The following LRRC7 variants were observed in gnomAD, a reference collection of about 807,000 sequenced individuals.
LRRC7 encodes the protein leucine-rich repeat-containing protein 7.
A neutral mutation model predicts 175.7 loss-of-function variants in LRRC7; 23 were observed. The ratio of observed to expected loss-of-function variants is 0.13; its 90% CI spans 0.09 to 0.19. The LOEUF is 0.19. LRRC7 is among the 10% of genes least tolerant of loss of function. The pLI is 1.00. For missense variants in LRRC7, 1,354 were observed against 1,904.7 expected (o/e 0.71, Z 5.38); for synonymous variants, 685 against 680.9 (o/e 1.01, Z -0.09).
At chr1:69,705,596 A>C (rs1663937168) in intron 2 of LRRC7, among the ~76,000 whole-genome samples, 1 of 152,152 alleles carries the variant, frequency 6.6e-6, no homozygotes, top group Non-Finnish European at 1.5e-5. Flanking sequence ...ATTTTGGAAG[A>C]AATCTTGACA....
chr1:69,603,722 T>C (rs1647174581), intron 1 of LRRC7, among the ~76,000 whole-genome samples: 1 of 152,164 alleles, frequency 6.6e-6, no homozygotes, highest in African/African-American at 2.4e-5. Flanking sequence ...TTGTACACAG[T>C]AGCTGAAAAA....
intron 7 of LRRC7, among the ~76,000 whole-genome samples, chr1:69,875,845 AT>A (rs1241323878): frequency 2.6e-5 from 4 of 152,122 alleles, no homozygotes; most frequent in African/African-American, 9.7e-5. Flanking sequence ...GGATATGCAT[AT>A]TAAGCCAAAA....
chr1:69,707,108 TTAA>T (rs1311183767), intron 2 of LRRC7, among the ~76,000 whole-genome samples: 8 of 152,106 alleles, frequency 5.3e-5, no homozygotes. Context: ...ATGATGATGA[TTAA>T]TGAGGAATAA....
intron 2 of LRRC7, among the ~76,000 whole-genome samples, chr1:69,692,093 A>G (rs1469015671): frequency 6.6e-6 from 1 of 152,176 alleles, no homozygotes; most frequent in Non-Finnish European, 1.5e-5. Flanking sequence ...GGGCATACCT[A>G]TCCACCTAAA....
intron 1 of LRRC7, among the ~76,000 whole-genome samples, chr1:69,652,459 ATGAAT>A (rs1217290120): frequency 6.6e-6 from 1 of 152,180 alleles, no homozygotes; most frequent in African/African-American, 2.4e-5. Context: ...TATTGATAAA[ATGAAT>A]TGAAGAGGAC....
At chr1:69,812,065 T>A (rs552578774) in intron 4 of LRRC7, among the ~76,000 whole-genome samples, 1 of 152,226 alleles carries the variant, frequency 6.6e-6, no homozygotes, top group East Asian at 1.9e-4. Flanking sequence ...AAATTTGGCC[T>A]AAGAAAAATA....
rs1007818357 is a variant in LRRC7, at chr1:69,981,974, C to A, written c.786+1521C>A. 2.6e-5 allele frequency among the ~76,000 whole-genome samples: 4 copies of A among 152,064 alleles called. No individual in the cohort carries two copies. In the East Asian group the frequency reaches 7.7e-4, roughly 29 times the overall value. ...TGGCCCAAGATAACACAGCCAGTAC[C>A]CCAGGGAGCTGTAATTCAAACCAGC... On this transcript the variant is annotated intron_variant, in intron 9 of 26. Transcript: ENST00000651989.
rs1322555222 is a variant in LRRC7, at chr1:70,122,377, ATAAAC to A, written c.*496_*500del. ...GAATATAGAGAAAAACAATATTTTC[ATAAAC>A]TAAACATCTCAGATAGAGAAAAAAT... On this transcript the variant is annotated 3_prime_UTR_variant, in exon 27 of 27. Transcript: ENST00000651989. 2.0e-5 allele frequency: 3 copies of A among 152,248 alleles called. No homozygotes were observed. The highest frequency in any genetic ancestry group is 4.4e-5 in the Non-Finnish European group (3 of 67,986). The allele number at this position is 152,248 out of a possible 1,614,324, so 9.4% of individuals were successfully genotyped here.
At chr1:69,609,926 G>A (rs1024674287) in intron 1 of LRRC7, among the ~76,000 whole-genome samples, 8 of 151,958 alleles carry the variant, frequency 5.3e-5, no homozygotes, top group Non-Finnish European at 1.5e-5. Context: ...TAACCAAAAA[G>A]TAGAAAGAAT....
chr1:70,038,387 G>A lies in LRRC7; in HGVS notation c.2563G>A (p.Val855Ile), dbSNP rs1196264283. 1.2e-6 allele frequency: 2 copies of A among 1,614,076 alleles called. No individual in the cohort carries two copies. Among genetic ancestry groups the A allele is most frequent in the Non-Finnish European group, 1.7e-6 (2 of 1,179,998 alleles). ...RRPLIRQDRIVGVPLELEQST... is the reference protein window; with the variant it reads ...RRPLIRQDRIIGVPLELEQST... ...GCCTTTGATCAGGCAAGACAGGATT[G>A]TTGGTGTTCCCCTGGAACTCGAGCA... The change falls in exon 21 of 27, where the codon GTT becomes ATT. Residue 855 changes from valine (V) to isoleucine (I), a missense_variant. Transcript: ENST00000651989.
chr1:69,703,614 A>G (rs948299953), intron 2 of LRRC7, among the ~76,000 whole-genome samples: 10 of 152,042 alleles, frequency 6.6e-5, no homozygotes, highest in Non-Finnish European at 1.5e-4. Flanking sequence ...TATTCTAAGA[A>G]CAAATTTACA....
rs775153251 is a variant in LRRC7 at position 69,994,592 on chromosome 1, A to G, written c.963A>G (p.Val321=). The change falls in exon 11 of 27, where the codon GTA becomes GTG. Residue 321 remains valine, a synonymous_variant. Transcript: ENST00000651989. ...GLLKKLTTLK[V]DDNQLTMLPN... ...TGAAAAAACTAACAACTCTAAAAGTAGATGACAATCAACTTACAATGCTAC... is the reference window on the plus strand; with the variant it reads ...TGAAAAAACTAACAACTCTAAAAGTGGATGACAATCAACTTACAATGCTAC... 6.8e-6 allele frequency: 11 copies of G among 1,611,622 alleles called. No individual in the cohort carries two copies.
chr1:69,630,256 G>A (rs1484355391), intron 1 of LRRC7, among the ~76,000 whole-genome samples: 1 of 152,062 alleles, frequency 6.6e-6, no homozygotes, highest in Non-Finnish European at 1.5e-5. Flanking sequence ...GCTATCCACT[G>A]CAAACATTCT....
intron 8 of LRRC7, among the ~76,000 whole-genome samples, chr1:69,978,202 G>A (rs1018488147): frequency 3.9e-5 from 6 of 151,928 alleles, no homozygotes; most frequent in Admixed American, 3.9e-4. Context: ...AGAATGGCTT[G>A]AACCCAGGAG....
intron 23 of LRRC7, among the ~76,000 whole-genome samples, chr1:70,055,438 T>C (rs891185224): frequency 3.9e-5 from 6 of 152,200 alleles, no homozygotes; most frequent in Non-Finnish European, 7.3e-5. Flanking sequence ...GAAGATTCTA[T>C]AGTAATTCAG....
intron 8 of LRRC7, among the ~76,000 whole-genome samples, chr1:69,971,357 G>A: frequency 6.6e-6 from 1 of 152,090 alleles, no homozygotes; most frequent in East Asian, 1.9e-4. Flanking sequence ...TGATATGATT[G>A]TTTACCTAGA....
At chr1:69,888,776 G>A (rs557044257) in intron 7 of LRRC7, among the ~76,000 whole-genome samples, 18 of 152,126 alleles carry the variant, frequency 1.2e-4, no homozygotes, top group Non-Finnish European at 2.4e-4. Context: ...CTGTTTGGGG[G>A]TAGGGAAGAT....
chr1:70,003,548 C>T (rs1345560509), intron 11 of LRRC7, among the ~76,000 whole-genome samples: 3 of 152,108 alleles, frequency 2.0e-5, no homozygotes. Flanking sequence ...ATCTTCACAT[C>T]GGCACACACA....
intron 8 of LRRC7, among the ~76,000 whole-genome samples, chr1:69,970,817 A>G (rs1652157461): frequency 6.6e-6 from 1 of 152,136 alleles, no homozygotes; most frequent in Non-Finnish European, 1.5e-5. Flanking sequence ...CCAGGAAAGG[A>G]CATAATCAAA....
Sources: allele counts gnomAD v4.1 joint callset (sites outside exome capture counted in the v4.1 genomes callset), GRCh38; gene constraint gnomAD v4.1.1; transcripts MANE v1.5; gene names NCBI Gene and HGNC (gene_info 2026-07-23, HGNC 2026-07-21).